VAV3: variants seen among roughly 807,000 people sequenced by gnomAD.
The protein encoded by VAV3 is guanine nucleotide exchange factor VAV3.
Under a neutral mutation model 131.2 loss-of-function variants are expected in VAV3, and 94 were observed. That is an observed-to-expected ratio of 0.72 (90% CI 0.61 to 0.85). VAV3 has a LOEUF of 0.85. VAV3 is among the 40% of genes least tolerant of loss of function. VAV3 has a pLI of 0.00. For missense variants in VAV3, 939 were observed against 1,002.7 expected (o/e 0.94, Z 0.86); for synonymous variants, 349 against 342.0 (o/e 1.02, Z -0.22).
chr1:107,631,222 C>T (rs11185151), intron 20 of VAV3, among the ~76,000 whole-genome samples: 57,986 of 151,476 alleles, frequency 0.38, 11,569 homozygotes, highest in East Asian at 0.48. Context: ...ATACTAAATG[C>T]ATTGTTATCA....
At chr1:107,681,262 T>G (rs775950126) in intron 19 of VAV3, among the ~76,000 whole-genome samples, 9 of 152,130 alleles carry the variant, frequency 5.9e-5, no homozygotes, top group Admixed American at 3.9e-4. Flanking sequence ...TCAAAGGAAC[T>G]TCCATGGTAG....
At chr1:107,734,597 T>C (rs941214859) in intron 15 of VAV3, among the ~76,000 whole-genome samples, 4 of 151,774 alleles carry the variant, frequency 2.6e-5, no homozygotes, top group Non-Finnish European at 5.9e-5. Flanking sequence ...CCAACAAAGA[T>C]CAAAGGAGAC....
intron 17 of VAV3, among the ~76,000 whole-genome samples, chr1:107,701,831 G>A (rs9727445): frequency 0.57 from 85,862 of 151,810 alleles, 25,115 homozygotes; most frequent in Non-Finnish European, 0.63. Context: ...TCTCCATTTG[G>A]GACCACCTCA....
chr1:107,769,489 G>A (rs1326068892), intron 6 of VAV3, among the ~76,000 whole-genome samples: 1 of 151,210 alleles, frequency 6.6e-6, no homozygotes, highest in Non-Finnish European at 1.5e-5. Context: ...CTCTAAATGT[G>A]AGAGTCTGGA....
chr1:107,825,855 C>T (rs1033975134), intron 2 of VAV3, among the ~76,000 whole-genome samples: 1 of 152,184 alleles, frequency 6.6e-6, no homozygotes, highest in Non-Finnish European at 1.5e-5. Context: ...ATGTCTGACA[C>T]TGTCAAGACA....
intron 1 of VAV3, among the ~76,000 whole-genome samples, chr1:107,900,809 C>T (rs867789031): frequency 1.3e-5 from 2 of 152,098 alleles, no homozygotes; most frequent in South Asian, 2.1e-4. Context: ...ACAGACATAT[C>T]TTATACAAAA....
intron 15 of VAV3, among the ~76,000 whole-genome samples, chr1:107,714,142 T>C (rs1660949647): frequency 6.6e-6 from 1 of 152,128 alleles, no homozygotes; most frequent in African/African-American, 2.4e-5. Context: ...TGAAGCTGTC[T>C]GAACTAGAAA....
intron 2 of VAV3, among the ~76,000 whole-genome samples, chr1:107,834,820 T>G (rs1289402337): frequency 6.6e-6 from 1 of 152,070 alleles, no homozygotes; most frequent in Admixed American, 6.5e-5. Flanking sequence ...TTCCTGGCCT[T>G]GAACAGCTCC....
chr1:107,953,592 G>A (rs1379478116), intron 1 of VAV3, among the ~76,000 whole-genome samples: 1 of 152,132 alleles, frequency 6.6e-6, no homozygotes, highest in Non-Finnish European at 1.5e-5. Flanking sequence ...CGCTGCTATT[G>A]CTATAAGTAC....
At chr1:107,846,431 C>A (rs981876432) in intron 2 of VAV3, among the ~76,000 whole-genome samples, 1 of 152,072 alleles carries the variant, frequency 6.6e-6, no homozygotes, top group African/African-American at 2.4e-5. Flanking sequence ...ACCTTAAATG[C>A]AAATGGACTA....
At chr1:107,705,744 C>A (rs978735185) in intron 15 of VAV3, among the ~76,000 whole-genome samples, 8 of 152,114 alleles carry the variant, frequency 5.3e-5, no homozygotes, top group African/African-American at 1.9e-4. Context: ...ACATTCATTT[C>A]TTCATTTAAT....
At chr1:107,625,753 G>A (rs1014368270) in intron 20 of VAV3, among the ~76,000 whole-genome samples, 1 of 152,048 alleles carries the variant, frequency 6.6e-6, no homozygotes, top group Admixed American at 6.5e-5. Context: ...TTCAATATAT[G>A]CTATAATTTG....
intron 19 of VAV3, among the ~76,000 whole-genome samples, chr1:107,653,903 T>C (rs1251578334): frequency 6.6e-6 from 1 of 152,040 alleles, no homozygotes; most frequent in Non-Finnish European, 1.5e-5. Flanking sequence ...ACAGTGTCTA[T>C]AATAAAGAGA....
At chr1:107,922,955 A>C (rs1319798253) in intron 1 of VAV3, among the ~76,000 whole-genome samples, 3 of 76,660 alleles carry the variant, frequency 3.9e-5, no homozygotes, top group East Asian at 5.8e-4. Context: ...CCGTCTCAAA[A>C]AAAAAAAAGA....
chr1:107,843,522 T>C lies in VAV3; in HGVS notation c.321+31379A>G, dbSNP rs549128778. ...ACTGTTGAGATTAAAAATGTATGTG[T>C]GCGTGTGTGTGTGTGTATATATATA... is the stretch of plus-strand genomic sequence containing the variant. On this transcript the variant is annotated intron_variant, in intron 2 of 26. Coordinates refer to ENST00000370056, the MANE Select transcript of VAV3 (RefSeq NM_006113.5). Among the ~76,000 whole-genome samples, 162 of 145,806 alleles carry C rather than the reference T, an allele frequency of 1.1e-3. 1 individual carries two copies. The highest frequency in any genetic ancestry group is 6.6e-3 in the South Asian group (31 of 4,716).
chr1:107,732,013 A>G (rs1431722907), intron 15 of VAV3, among the ~76,000 whole-genome samples: 1 of 152,198 alleles, frequency 6.6e-6, no homozygotes, highest in Non-Finnish European at 1.5e-5. Flanking sequence ...AAGTGAAGAG[A>G]AAAAATATTT....
chr1:107,936,792 T>TTCC (rs560828764), intron 1 of VAV3, among the ~76,000 whole-genome samples: 257 of 152,286 alleles, frequency 1.7e-3, no homozygotes, highest in African/African-American at 5.5e-3. Flanking sequence ...TTCCCTGCAC[T>TTCC]TCCTTTCCTG....
At chr1:107,728,152 G>A (rs1316466757) in intron 15 of VAV3, among the ~76,000 whole-genome samples, 3 of 152,136 alleles carry the variant, frequency 2.0e-5, no homozygotes, top group Non-Finnish European at 2.9e-5. Flanking sequence ...GGTTGGTTGA[G>A]TCTTCCTCCT....
intron 2 of VAV3, among the ~76,000 whole-genome samples, chr1:107,826,260 G>T (rs546168579): frequency 6.6e-6 from 1 of 151,096 alleles, no homozygotes; most frequent in African/African-American, 2.4e-5. Context: ...TGGAGGAAAA[G>T]AATCATTTGC....
Sources: allele counts gnomAD v4.1 joint callset (sites outside exome capture counted in the v4.1 genomes callset), GRCh38; gene constraint gnomAD v4.1.1; transcripts MANE v1.5; gene names NCBI Gene and HGNC (gene_info 2026-07-23, HGNC 2026-07-21).